Variants in KIF1A observed in about 807,000 individuals in gnomAD.
KIF1A encodes kinesin family member 1A, also known as kinesin-like protein KIF1A.
In KIF1A, 46 loss-of-function variants were observed where a neutral mutation model predicts 227.3. The observed-to-expected ratio is 0.20, with a 90% CI of 0.16 to 0.26. The LOEUF (loss-of-function observed/expected upper bound fraction) is 0.26. Ranked by LOEUF, KIF1A falls within the 10% of genes least tolerant of loss-of-function variation. The probability of loss-of-function intolerance (pLI) is 1.00; values close to 1 mark genes in which losing one functional copy is unlikely to be tolerated. For missense variants in KIF1A, 1,683 were observed against 2,485.9 expected, an observed-to-expected ratio of 0.68 and a Z score of 6.87; for synonymous variants, 1,022 against 1,012.8, an observed-to-expected ratio of 1.01 and a Z score of -0.17.
intron 42 of KIF1A, among the ~76,000 whole-genome samples, chr2:240,722,860 C>A (rs1318169617): frequency 3.9e-5 from 6 of 152,190 alleles, no homozygotes. Flanking sequence ...TCAGCCCCCA[C>A]CCCAGCCCTG....
At position 240,793,972 on chromosome 2, in the gene KIF1A, T is replaced by C. The variant is rs1288435146; in HGVS notation, c.106+3675A>G. 6.6e-6 allele frequency among the ~76,000 whole-genome samples: 1 copy of C among 152,156 alleles called. No homozygotes were observed. The highest frequency in any genetic ancestry group is 1.5e-5 in the Non-Finnish European group (1 of 68,034). On this transcript the variant is annotated intron_variant, in intron 2 of 48. Coordinates refer to ENST00000498729, the MANE Select transcript of KIF1A (RefSeq NM_001244008.2). This position sits in a 1 kb window ranked among gnomAD's most constrained non-coding sequence, Gnocchi z 4.8. ...CAGCCAGGGCAGCCACTCCCAATTCTATTGATCTGAGCTGCAGCTGAGAAG... is the reference window on the plus strand; with the variant it reads ...CAGCCAGGGCAGCCACTCCCAATTCCATTGATCTGAGCTGCAGCTGAGAAG...
chr2:240,722,776 G>A (rs1193113242), intron 42 of KIF1A, 120 bp from the exon 43 acceptor site: 22 of 768,822 alleles, frequency 2.9e-5, no homozygotes, highest in Non-Finnish European at 4.0e-5. Flanking sequence ...CCTCCCCTGG[G>A]CTAAGACTGA....
Position 240,771,175 on chromosome 2 carries a change from C to T in KIF1A, c.1208-71G>A, listed in dbSNP as rs143935511. 4.9e-4 allele frequency: 780 copies of T among 1,598,456 alleles called. 3 individuals carry two copies. The African/African-American group carries it at 9.1e-3, about 19-fold the overall frequency. ...TAAGGTTATTGTTCTCAAGGTCGGA[C>T]ACGTCTATGGGGAGGAGGGGTAGGG... is the stretch of plus-strand genomic sequence containing the variant. On this transcript the variant is annotated intron_variant, in intron 14 of 48. Transcript: ENST00000498729.
chr2:240,813,558 C>G (rs555203600), intron 1 of KIF1A, among the ~76,000 whole-genome samples: 22 of 152,186 alleles, frequency 1.4e-4, no homozygotes, highest in Non-Finnish European at 2.2e-4. Context: ...AGGAGTGAAG[C>G]CTTCAGTGAG....
intron 38 of KIF1A, among the ~76,000 whole-genome samples, chr2:240,733,359 C>T (rs147042445): frequency 6.6e-6 from 1 of 152,104 alleles, no homozygotes; most frequent in East Asian, 1.9e-4. Context: ...CCTGCAAGCC[C>T]GCCAGACTCA....
In KIF1A at chr2:240,725,732, C is replaced by T. The variant is rs886501869; in HGVS notation, c.4123-328G>A. 5.4e-5 allele frequency: 15 copies of T among 279,266 alleles called. No individual in the cohort carries two copies. The highest frequency in any genetic ancestry group is 2.2e-4 in the African/African-American group (10 of 45,270). The allele number at this position is 279,266 out of a possible 1,614,324, so 17.3% of individuals were successfully genotyped here. ...CCATAAAATTGGGGTGACCCCTCCC[C>T]GACCCTGGAATGTCTGTGAGGATCA... On this transcript the variant is annotated intron_variant, in intron 39 of 48. Transcript: ENST00000498729. This position sits in a 1 kb window ranked among gnomAD's most constrained non-coding sequence, Gnocchi z 5.8.
At chr2:240,723,616 C>T in intron 41 of KIF1A, 58 bp from the exon 42 acceptor site, 1 of 1,483,166 alleles carries the variant, frequency 6.7e-7, no homozygotes, top group South Asian at 1.3e-5. Flanking sequence ...TCCTCCCACC[C>T]ATCCTAGAGG....
intron 10 of KIF1A, among the ~76,000 whole-genome samples, chr2:240,780,730 G>C (rs1490850777): frequency 6.6e-6 from 1 of 150,422 alleles, no homozygotes; most frequent in Non-Finnish European, 1.5e-5. Context: ...GCTTCTGACA[G>C]AGTTGGACAC....
intron 45 of KIF1A, chr2:240,720,543 G>A: frequency 5.6e-6 from 1 of 177,430 alleles, no homozygotes; most frequent in Non-Finnish European, 1.2e-5. Context: ...ATGCGGACCT[G>A]CAGGGGCCAG....
chr2:240,767,362 G>T lies in KIF1A; in HGVS notation c.1498-17C>A. ...GTGTGGTGTCTGCAGGGAGACAGGA[G>T]GATCATCTCTCTTGCAGAGGGGCAG... On this transcript the variant is annotated splice_polypyrimidine_tract_variant and intron_variant, in intron 17 of 48. Transcript: ENST00000498729. The T allele has an allele frequency of 6.2e-7, 1 of 1,606,142 alleles. No homozygotes were observed. Among genetic ancestry groups the T allele is most frequent in the Non-Finnish European group, 8.5e-7 (1 of 1,173,290 alleles).
At chr2:240,786,803 G>GAGAGAGAGGGTAGGGGCCA (rs1559530249) in intron 5 of KIF1A, among the ~76,000 whole-genome samples, 3 of 44,112 alleles carry the variant, frequency 6.8e-5, no homozygotes, top group African/African-American at 3.6e-4. Flanking sequence ...GGTGGGGGCT[G>GAGAGAGAGGGTAGGGGCCA]CCATCAGGAC....
chr2:240,750,618 A>G (rs2049100300), intron 27 of KIF1A, 71 bp from the exon 28 acceptor site: 3 of 1,119,704 alleles, frequency 2.7e-6, no homozygotes, highest in African/African-American at 3.1e-5. Flanking sequence ...CGGTGGCAGC[A>G]TGGCCTGGCT....
chr2:240,736,082 C>T lies in KIF1A; in HGVS notation c.4007+981G>A, dbSNP rs190769854. Among the ~76,000 whole-genome samples the T allele has an allele frequency of 3.4e-3, 516 of 152,190 alleles. 2 individuals are homozygous for T. Among genetic ancestry groups the T allele is most frequent in the South Asian group, 0.012 (57 of 4,816 alleles). ...TACTGCAGTGCTAAGCCCCGATAGC[C>T]CACTTTCTGGGTGTTGCTGATGAAA... On this transcript the variant is annotated intron_variant, in intron 38 of 48. Coordinates refer to ENST00000498729, the MANE Select transcript of KIF1A (RefSeq NM_001244008.2). The surrounding 1 kb of genome is among the most constrained non-coding windows in gnomAD (Gnocchi z 4.7).
At chr2:240,769,232 G>T in intron 16 of KIF1A, 24 bp from the exon 17 acceptor site, 2 of 1,592,244 alleles carry the variant, frequency 1.3e-6, no homozygotes, top group Admixed American at 1.7e-5. Flanking sequence ...GCTGAGGTCA[G>T]CACAAGCTCC....
chr2:240,799,175 G>C (rs1235256717), intron 1 of KIF1A, among the ~76,000 whole-genome samples: 1 of 152,188 alleles, frequency 6.6e-6, no homozygotes, highest in Non-Finnish European at 1.5e-5. Context: ...AGGGGGCACA[G>C]CAAGCCTGGG....
chr2:240,755,540 G>A (rs987382404), intron 27 of KIF1A, among the ~76,000 whole-genome samples: 1 of 152,216 alleles, frequency 6.6e-6, no homozygotes. Flanking sequence ...GGCCGGGCCT[G>A]CACAGCTGCT....
At position 240,740,840 on chromosome 2, in the gene KIF1A, A is replaced by T. The variant is rs1164696813; in HGVS notation, c.3749+429T>A. On this transcript the variant is annotated intron_variant, in intron 35 of 48. Transcript: ENST00000498729. The surrounding 1 kb of genome is among the most constrained non-coding windows in gnomAD (Gnocchi z 6.1). ...CACAGCCCAGCTCCCAGCTGCCCCC[A>T]GGGCACCAGGCAGACCCCCACTGGC... Among the ~76,000 whole-genome samples the T allele has an allele frequency of 1.3e-5, 2 of 151,936 alleles. No individual in the cohort carries two copies. The highest frequency in any genetic ancestry group is 2.9e-5 in the Non-Finnish European group (2 of 67,976).
chr2:240,802,463 T>C lies in KIF1A; in HGVS notation c.-60-4651A>G, dbSNP rs142215310. Among the ~76,000 whole-genome samples, 840 of 152,290 alleles carry C rather than the reference T, an allele frequency of 5.5e-3. 10 individuals carry two copies. Among genetic ancestry groups the C allele is most frequent in the African/African-American group, 0.019 (792 of 41,552 alleles). On this transcript the variant is annotated intron_variant, in intron 1 of 48. Coordinates refer to ENST00000498729, the MANE Select transcript of KIF1A (RefSeq NM_001244008.2). The stretch of plus-strand genomic sequence containing the variant: ...AGATAAAAGGTCAACTCAGTATGAA[T>C]TAAATACACCAAGTAAAACATTAAA...
intron 15 of KIF1A, 148 bp from the exon 16 acceptor site, chr2:240,769,854 G>A (rs2051715691): frequency 1.7e-6 from 1 of 600,504 alleles, no homozygotes. Flanking sequence ...AGAAGACCAA[G>A]GTAAAGCTCA....
Sources: gnomAD v4.1 joint callset for allele counts (sites outside exome capture counted in the v4.1 genomes callset) on GRCh38, gnomAD v4.1.1 for gene constraint, Gnocchi (gnomAD v3.1) non-coding constraint, MANE v1.5 for transcripts, NCBI Gene and HGNC (gene_info 2026-07-23, HGNC 2026-07-21) for gene names.